The following PRDX5 variants were observed in gnomAD, a reference collection of about 807,000 sequenced individuals.
PRDX5 encodes peroxiredoxin 5, also known as peroxiredoxin-5, mitochondrial.
Under a neutral mutation model 23.8 loss-of-function variants are expected in PRDX5, and 21 were observed. The observed-to-expected ratio is 0.88, with a 90% confidence interval of 0.63 to 1.27. PRDX5 has a LOEUF of 1.27. PRDX5 is among the 50% of genes most tolerant of loss of function. PRDX5 has a pLI of 0.00. For missense variants in PRDX5, 261 were observed against 270.6 expected, an observed-to-expected ratio of 0.96 and a Z score of 0.25; for synonymous variants, 111 against 113.3, an observed-to-expected ratio of 0.98 and a Z score of 0.13.
In PRDX5 at chr11:64,321,418, C is replaced by T. The variant is rs200372287; in HGVS notation, c.540-168C>T. The stretch of plus-strand genomic sequence containing the variant: ...GAGAGTTCTCTGTGGGGAGAGTCCT[C>T]TGTGTGGAGAGAGTCCTGTGTGGTG... On this transcript the variant is annotated intron_variant, in intron 5 of 5. Coordinates refer to ENST00000265462, the MANE Select transcript of PRDX5 (RefSeq NM_012094.5). Among the ~76,000 whole-genome samples the T allele has an allele frequency of 1.5e-3, 228 of 149,662 alleles. 1 individual carries two copies. In the South Asian group the frequency reaches 0.024, roughly 15 times the overall value.
At chr11:64,320,596 A>G in intron 2 of PRDX5, 65 bp from the exon 3 acceptor site, 1 of 1,535,672 alleles carries the variant, frequency 6.5e-7, no homozygotes, top group South Asian at 1.3e-5. Context: ...GGGCCTGGAG[A>G]TAAAGGGTGG....
chr11:64,320,005 C>T (rs1237985805), intron 2 of PRDX5, 137 bp downstream of exon 2: 61 of 1,291,654 alleles, frequency 4.7e-5, no homozygotes, highest in South Asian at 1.1e-4. Flanking sequence ...TAGAGCTGGG[C>T]GCGGTGGCTC....
Position 64,319,840 on chromosome 11 carries a change from C to T in PRDX5, c.278C>T (p.Pro93Leu). 1.2e-6 allele frequency: 2 copies of T among 1,614,160 alleles called. No homozygotes were observed. Among genetic ancestry groups the T allele is most frequent in the Non-Finnish European group, 1.7e-6 (2 of 1,180,000 alleles). ...AAGAAGGGTGTGCTGTTTGGAGTTC[C>T]TGGGGCCTTCACCCCTGGATGTTCC... ...KGKKGVLFGVPGAFTPGCSKT... is the reference protein window; with the variant it reads ...KGKKGVLFGVLGAFTPGCSKT... The change falls in exon 2 of 6, where the codon CCT (proline) becomes CTT (leucine). Residue 93 changes from proline to leucine, a missense_variant. Pro to Leu is a moderately conservative substitution (Grantham distance 98). Transcript: ENST00000265462.
At chr11:64,320,549 T>C in intron 2 of PRDX5, 112 bp from the exon 3 acceptor site, 1 of 1,440,710 alleles carries the variant, frequency 6.9e-7, no homozygotes, top group African/African-American at 1.4e-5. Flanking sequence ...ACAGCTCTCA[T>C]TGTCTGATCA....
rs1180592161 is a variant in PRDX5 at position 64,318,329 on chromosome 11, G to A, written c.114G>A (p.Trp38Ter). Residue 38 changes from tryptophan (W) to a stop codon, truncating the protein, a stop_gained, in exon 1 of 6, where the codon TGG becomes TGA. Transcript: ENST00000265462. LOFTEE classifies it high-confidence loss of function. ...CAAGACGGTACAGTGAAGGAGAGTG[G>A]GCGTCTGGCGGGGTCCGCAGTTTCA... Reference protein sequence around the residue: ...AAARRYSEGEWASGGVRSFSR... With the variant: ...AAARRYSEGE 1 of 1,612,538 alleles carries A rather than the reference G, an allele frequency of 6.2e-7. No individual in the cohort carries two copies. Among genetic ancestry groups the A allele is most frequent in the Admixed American group, 1.7e-5 (1 of 59,978 alleles).
Position 64,318,171 on chromosome 11 carries a change from G to C in PRDX5, c.-45G>C. The C allele has an allele frequency of 6.2e-7, 1 of 1,607,888 alleles. No homozygotes were observed. Among genetic ancestry groups the C allele is most frequent in the Non-Finnish European group, 8.5e-7 (1 of 1,178,114 alleles). Reference sequence around the variant, plus strand: ...CGCTAGCGGTGCCCCGCCTGCTGCGGTGGCACCAGCCAGGAGGCGGAGTGG... The same window carrying C: ...CGCTAGCGGTGCCCCGCCTGCTGCGCTGGCACCAGCCAGGAGGCGGAGTGG... On this transcript the variant is annotated 5_prime_UTR_variant, in exon 1 of 6. Transcript: ENST00000265462.
At position 64,321,004 on chromosome 11, in the gene PRDX5, T is replaced by C. The variant is rs1326293493; in HGVS notation, c.478-3T>C. On this transcript the variant is annotated splice_polypyrimidine_tract_variant and splice_region_variant and intron_variant, in intron 4 of 5. Coordinates refer to ENST00000265462, the MANE Select transcript of PRDX5 (RefSeq NM_012094.5). The stretch of plus-strand genomic sequence containing the variant: ...TCTGACACTTTTCTCTGTCTCTTCT[T>C]AGGAGACAGACTTATTACTAGATGA... The C allele has an allele frequency of 6.2e-7, 1 of 1,613,818 alleles. No homozygotes were observed. The highest frequency in any genetic ancestry group is 8.5e-7 in the Non-Finnish European group (1 of 1,179,834).
Position 64,319,582 on chromosome 11 carries a change from G to A in PRDX5, c.172-152G>A, listed in dbSNP as rs537049403. 790 of 1,039,470 alleles carry A rather than the reference G, an allele frequency of 7.6e-4. 17 individuals are homozygous for A. In the South Asian group the frequency reaches 0.012, roughly 16 times the overall value. 64.4% of individuals were successfully genotyped at this position (1,039,470 alleles called of 1,614,324 possible). ...GGGGTAACCCAGTGGGAGCGGGCAG[G>A]GAGGGCCCTTGGAAACTGACAGGGC... On this transcript the variant is annotated intron_variant, in intron 1 of 5. Coordinates refer to ENST00000265462, the MANE Select transcript of PRDX5 (RefSeq NM_012094.5).
At position 64,319,883 on chromosome 11, in the gene PRDX5, C is replaced by T; in HGVS notation, c.306+15C>T. ...GATGTTCCAAGGTGAGGCCCTTCCC[C>T]TTCTGAAGATCAGGACCTGGGATCT... is the stretch of plus-strand genomic sequence containing the variant. On this transcript the variant is annotated intron_variant, in intron 2 of 5. Transcript: ENST00000265462. 3 of 1,612,932 alleles carry T rather than the reference C, an allele frequency of 1.9e-6. No homozygotes were observed. Among genetic ancestry groups the T allele is most frequent in the Non-Finnish European group, 2.5e-6 (3 of 1,179,528 alleles).
chr11:64,321,436 G>A lies in PRDX5; in HGVS notation c.540-150G>A, dbSNP rs184586333. ...GAGTCCTCTGTGTGGAGAGAGTCCT[G>A]TGTGGTGGTGAGTCCTCTGTGGGGG... On this transcript the variant is annotated intron_variant, in intron 5 of 5. Coordinates refer to ENST00000265462, the MANE Select transcript of PRDX5 (RefSeq NM_012094.5). 539 of 1,295,518 alleles carry A rather than the reference G, an allele frequency of 4.2e-4. 2 individuals carry two copies. The African/African-American group carries it at 7.6e-3, about 18-fold the overall frequency. The allele number at this position is 1,295,518 out of a possible 1,614,324, so 80.3% of individuals were successfully genotyped here.
Position 64,320,908 on chromosome 11 carries a change from G to A in PRDX5, c.477+5G>A. 1.9e-6 allele frequency: 3 copies of A among 1,614,232 alleles called. No homozygotes were observed. Among genetic ancestry groups the A allele is most frequent in the Non-Finnish European group, 1.7e-6 (2 of 1,180,046 alleles). ...CCCACTGGGGCCTTTGGGAAGGTGA[G>A]TGTTCCCCTGACCGCCACAGGGACA... On this transcript the variant is annotated splice_donor_5th_base_variant and intron_variant, in intron 4 of 5. Coordinates refer to ENST00000265462, the MANE Select transcript of PRDX5 (RefSeq NM_012094.5).
rs1347908907 is a variant in PRDX5 at position 64,321,031 on chromosome 11, T to G, written c.502T>G (p.Ser168Ala). 6.2e-7 allele frequency: 1 copy of G among 1,614,134 alleles called. No individual in the cohort carries two copies. Among genetic ancestry groups the G allele is most frequent in the East Asian group, 2.2e-5 (1 of 44,888 alleles). ...GGAGACAGACTTATTACTAGATGAT[T>G]CGCTGGTGTCCATCTTTGGGAATCG... Reference protein sequence around the residue: ...GKETDLLLDDSLVSIFGNRRL... With the variant: ...GKETDLLLDDALVSIFGNRRL... The change falls in exon 5 of 6, where the codon TCG (serine) becomes GCG (alanine). Residue 168 changes from serine (S) to alanine (A), a missense_variant. Ser to Ala is a moderately conservative substitution (Grantham distance 99, BLOSUM62 1). Transcript: ENST00000265462.
intron 2 of PRDX5, 83 bp from the exon 3 acceptor site, chr11:64,320,578 A>G: frequency 6.6e-7 from 1 of 1,516,010 alleles, no homozygotes; most frequent in Admixed American, 2.2e-5. Context: ...GAGGCAGAGC[A>G]CTGAGGAGGG....
At chr11:64,319,671 C>G in intron 1 of PRDX5, 63 bp from the exon 2 acceptor site, 1 of 1,554,384 alleles carries the variant, frequency 6.4e-7, no homozygotes, top group Admixed American at 1.9e-5. Flanking sequence ...TCTCTGTTCA[C>G]CTTCCTGCCT....
intron 2 of PRDX5, among the ~76,000 whole-genome samples, chr11:64,320,163 C>G (rs980960073): frequency 2.0e-5 from 3 of 152,018 alleles, no homozygotes; most frequent in African/African-American, 4.8e-5. Flanking sequence ...GCCTGTAATC[C>G]CAGGTACTGG....
intron 2 of PRDX5, 27 bp downstream of exon 2, chr11:64,319,895 A>G: frequency 6.2e-7 from 1 of 1,611,048 alleles, no homozygotes; most frequent in Non-Finnish European, 8.5e-7. Flanking sequence ...TCTGAAGATC[A>G]GGACCTGGGA....
chr11:64,319,911 T>G, intron 2 of PRDX5, 43 bp downstream of exon 2: 1 of 1,606,912 alleles, frequency 6.2e-7, no homozygotes, highest in Non-Finnish European at 8.5e-7. Flanking sequence ...TGGGATCTTT[T>G]GTGTTGCTCT....
chr11:64,319,424 C>T (rs1479774185), intron 1 of PRDX5, among the ~76,000 whole-genome samples: 2 of 152,148 alleles, frequency 1.3e-5, no homozygotes, highest in Non-Finnish European at 2.9e-5. Flanking sequence ...CATTTTATTC[C>T]ACTCCTTTCC....
rs1331366894 is a variant in PRDX5, at chr11:64,321,584, A to G, written c.540-2A>G. On this transcript the variant is annotated splice_acceptor_variant, in intron 5 of 5. Coordinates refer to ENST00000265462, the MANE Select transcript of PRDX5 (RefSeq NM_012094.5). LOFTEE classifies it high-confidence loss of function. ...AGCTGGCTGGGCCCCTCTTTCCGGC[A>G]GGTTCTCCATGGTGGTACAGGATGG... is the stretch of plus-strand genomic sequence containing the variant. 6.2e-6 allele frequency: 10 copies of G among 1,612,194 alleles called. No homozygotes were observed. Among genetic ancestry groups the G allele is most frequent in the Non-Finnish European group, 8.5e-6 (10 of 1,178,860 alleles).
Sources: gnomAD v4.1 joint callset for allele counts (sites outside exome capture counted in the v4.1 genomes callset) on GRCh38, gnomAD v4.1.1 for gene constraint, MANE v1.5 for transcripts, NCBI Gene and HGNC (gene_info 2026-07-23, HGNC 2026-07-21) for gene names.